Variants in MRAP observed in about 807,000 individuals in gnomAD.
The protein encoded by MRAP is melanocortin 2 receptor accessory protein, also known as melanocortin-2 receptor accessory protein.
A neutral mutation model predicts 8.7 loss-of-function variants in MRAP; 8 were observed. The observed-to-expected ratio is 0.92, with a 90% CI of 0.54 to 1.66. MRAP has a LOEUF of 1.66. MRAP is among the 40% of genes most tolerant of loss of function. The pLI is 0.00. For missense variants in MRAP, 237 were observed against 217.1 expected, an observed-to-expected ratio of 1.09 and a Z score of -0.58; for synonymous variants, 95 against 95.5, an observed-to-expected ratio of 1.00 and a Z score of 0.03.
intron 1 of MRAP, among the ~76,000 whole-genome samples, chr21:32,301,626 A>G (rs1257636543): frequency 6.6e-6 from 1 of 152,222 alleles, no homozygotes; most frequent in Non-Finnish European, 1.5e-5. Flanking sequence ...TTATTCTAAC[A>G]TAGTGAGTCT....
rs1261119936 is a variant in MRAP, at chr21:32,299,054, A to G, written c.83A>G (p.Glu28Gly). The change falls in exon 1 of 3, where the codon GAG becomes GGG. Residue 28 changes from glutamate (E) to glycine (G), a missense_variant. By Grantham distance (98) the Glu-to-Gly change is moderately conservative. Transcript: ENST00000303645. ...LDYLDLIPVDEKKLKAHKHSI... is the reference protein window; with the variant it reads ...LDYLDLIPVDGKKLKAHKHSI... ...TATCTGGACCTCATTCCCGTGGACG[A>G]GAAGAAGCTGAAAGCCCACAAACGT... 1 of 1,613,976 alleles carries G rather than the reference A, an allele frequency of 6.2e-7. No homozygotes were observed. The highest frequency in any genetic ancestry group is 1.3e-5 in the African/African-American group (1 of 74,952).
rs756879250 is a variant in MRAP at position 32,306,711 on chromosome 21, A to G, written c.178A>G (p.Met60Val). Residue 60 changes from methionine to valine, a missense_variant, in exon 2 of 3, where the codon ATG (methionine) becomes GTG (valine). Physicochemically the swap from Met to Val is conservative, Grantham distance 21 (BLOSUM62 1). Transcript: ENST00000303645. ...VVLLFLILLY[M>V]SWSASPQMRN... ...GCTGCTCTTCCTCATCTTGCTCTAC[A>G]TGTCCTGGTCCGCCTCCCCGCAGAT... The G allele has an allele frequency of 1.9e-6, 3 of 1,613,980 alleles. No individual in the cohort carries two copies. The highest frequency in any genetic ancestry group is 2.2e-5 in the East Asian group (1 of 44,856).
intron 1 of MRAP, 92 bp from the exon 2 acceptor site, chr21:32,306,548 C>G (rs2032421240): frequency 9.8e-7 from 1 of 1,018,966 alleles, no homozygotes; most frequent in African/African-American, 1.6e-5. Context: ...TCAGGGCCCT[C>G]ATTCCACAAT....
chr21:32,298,720 G>T, upstream of MRAP: 1 of 459,206 alleles, frequency 2.2e-6, no homozygotes, highest in Non-Finnish European at 4.1e-6. Flanking sequence ...TCTCTGCTCT[G>T]TGTGCTTTGG....
chr21:32,296,779 T>A (rs575017617), upstream of MRAP, among the ~76,000 whole-genome samples: 458 of 152,272 alleles, frequency 3.0e-3, 2 homozygotes, highest in Non-Finnish European at 5.5e-3. Flanking sequence ...AAGATTTTTT[T>A]AAAAATAGTA....
intron 1 of MRAP, among the ~76,000 whole-genome samples, chr21:32,300,597 CTA>C (rs950470562): frequency 1.4e-5 from 2 of 141,654 alleles, no homozygotes; most frequent in African/African-American, 5.2e-5. Context: ...GTCACACGTC[CTA>C]TGTCGGATAT....
At chr21:32,300,760 G>A (rs1182800219) in intron 1 of MRAP, among the ~76,000 whole-genome samples, 1 of 149,626 alleles carries the variant, frequency 6.7e-6, no homozygotes, top group Admixed American at 6.7e-5. Flanking sequence ...TGCGTCCTAT[G>A]TCAGGGGCGT....
chr21:32,310,486 C>T (rs2032533456), intron 2 of MRAP, among the ~76,000 whole-genome samples: 1 of 152,154 alleles, frequency 6.6e-6, no homozygotes. Context: ...TACATCATCT[C>T]ATTTCATCCT....
At chr21:32,300,203 A>C (rs1018819875) in intron 1 of MRAP, among the ~76,000 whole-genome samples, 4 of 152,206 alleles carry the variant, frequency 2.6e-5, no homozygotes, top group Non-Finnish European at 5.9e-5. Flanking sequence ...CCTGGGCAAC[A>C]CAGTGAGATC....
At chr21:32,291,979 C>A (rs2032057452) in intron 1 of MRAP, 1 of 152,134 alleles carries the variant, frequency 6.6e-6, no homozygotes, top group Admixed American at 6.5e-5. Flanking sequence ...TTTAACAAGA[C>A]TTCAGAGACA....
upstream of MRAP, among the ~76,000 whole-genome samples, chr21:32,297,491 G>A (rs929795764): frequency 7.9e-5 from 12 of 152,204 alleles, no homozygotes; most frequent in African/African-American, 1.2e-4. Context: ...TGGATCAGGC[G>A]TGGAAAAATC....
chr21:32,303,508 T>C (rs2032335436), intron 1 of MRAP, among the ~76,000 whole-genome samples: 1 of 152,148 alleles, frequency 6.6e-6, no homozygotes, highest in Non-Finnish European at 1.5e-5. Flanking sequence ...TGCTGAGGAC[T>C]AATTCCCCTC....
At chr21:32,292,871 T>C (rs2032074746) in intron 1 of MRAP, 1 of 152,068 alleles carries the variant, frequency 6.6e-6, no homozygotes, top group Non-Finnish European at 1.5e-5. Flanking sequence ...TGTGTTTATT[T>C]TGAGGATTTA....
chr21:32,300,915 A>G lies in MRAP; in HGVS notation c.106+1838A>G, dbSNP rs141535858. ...TCCTATGTCGGGGCGTCATGTGTCT[A>G]TGTGTCATGATATATCGTGTATGTC... On this transcript the variant is annotated intron_variant, in intron 1 of 2. Coordinates refer to ENST00000303645, the MANE Select transcript of MRAP (RefSeq NM_001379228.1). Among the ~76,000 whole-genome samples the G allele has an allele frequency of 4.2e-4, 64 of 151,852 alleles. No individual in the cohort carries two copies. The East Asian group carries it at 9.5e-3, about 22-fold the overall frequency.
At chr21:32,308,056 G>A (rs992272614) in intron 2 of MRAP, among the ~76,000 whole-genome samples, 8 of 152,058 alleles carry the variant, frequency 5.3e-5, no homozygotes, top group African/African-American at 1.7e-4. Context: ...AAGTCTTGCC[G>A]GCCAGCTCAC....
intron 1 of MRAP, among the ~76,000 whole-genome samples, chr21:32,300,478 G>A (rs8130762): frequency 0.61 from 91,417 of 150,956 alleles, 30,546 homozygotes; most frequent in Non-Finnish European, 0.75. Context: ...TGTCAGGGGC[G>A]CCATGCGTCC....
At position 32,311,860 on chromosome 21, in the gene MRAP, C is replaced by T. The variant is rs965318901; in HGVS notation, c.383C>T (p.Ser128Phe). Residue 128 changes from serine (S) to phenylalanine (F), a missense_variant, in exon 3 of 3, where the codon TCC becomes TTC. Transcript: ENST00000303645. ...GACCAGCCGCTACGACAGGAGAGCTCCTCCACCTTGCCCCTCGGGGGTTTC... is the reference window on the plus strand; with the variant it reads ...GACCAGCCGCTACGACAGGAGAGCTTCTCCACCTTGCCCCTCGGGGGTTTC... ...GPDQPLRQES[S>F]STLPLGGFQT... is the part of the protein sequence containing the mutation. 3 of 1,614,026 alleles carry T rather than the reference C, an allele frequency of 1.9e-6. No individual in the cohort carries two copies. The highest frequency in any genetic ancestry group is 3.3e-5 in the Admixed American group (2 of 60,008).
In MRAP at chr21:32,311,889, A is replaced by G; in HGVS notation, c.412A>G (p.Thr138Ala). 2 of 1,613,870 alleles carry G rather than the reference A, an allele frequency of 1.2e-6. No individual in the cohort carries two copies. The highest frequency in any genetic ancestry group is 1.6e-4 in the Middle Eastern group (1 of 6,062). The change falls in exon 3 of 3, where the codon ACC becomes GCC. Residue 138 changes from threonine (T) to alanine (A), a missense_variant. Transcript: ENST00000303645. ...SSTLPLGGFQTHPTLLWELTL... is the reference protein window; with the variant it reads ...SSTLPLGGFQAHPTLLWELTL... Reference sequence around the variant, plus strand: ...CACCTTGCCCCTCGGGGGTTTCCAGACCCACCCCACTCTCCTCTGGGAACT... The same window carrying G: ...CACCTTGCCCCTCGGGGGTTTCCAGGCCCACCCCACTCTCCTCTGGGAACT...
intron 1 of MRAP, among the ~76,000 whole-genome samples, chr21:32,300,332 T>C (rs2032230787): frequency 6.6e-6 from 1 of 152,104 alleles, no homozygotes; most frequent in Non-Finnish European, 1.5e-5. Context: ...ATGCATCCTA[T>C]GTCAGGGGCG....
Sources: gnomAD v4.1 joint callset for allele counts (sites outside exome capture counted in the v4.1 genomes callset) on GRCh38, gnomAD v4.1.1 for gene constraint, MANE v1.5 for transcripts, NCBI Gene and HGNC (gene_info 2026-07-23, HGNC 2026-07-21) for gene names.